Variants in FBRSL1 observed in about 807,000 individuals in gnomAD.
FBRSL1 encodes fibrosin-1-like protein.
FBRSL1 carries 51 observed loss-of-function variants against 89.6 expected under a neutral mutation model. That is an observed-to-expected ratio of 0.57 (90% CI 0.45 to 0.72). The LOEUF (loss-of-function observed/expected upper bound fraction) is 0.72, where lower values mean the gene tolerates loss of function less well. Among genes scored for constraint, FBRSL1 ranks in the 30% least tolerant of loss-of-function variants. The pLI is 0.00. For synonymous variants in FBRSL1, 779 were observed against 681.1 expected, an observed-to-expected ratio of 1.14 and a Z score of -2.24; for missense variants, 1,618 against 1,451.8, an observed-to-expected ratio of 1.11 and a Z score of -1.86.
Position 132,583,154 on chromosome 12 carries a change from G to C in FBRSL1, c.2385G>C (p.Lys795Asn). The C allele has an allele frequency of 6.1e-6, 9 of 1,464,064 alleles. No homozygotes were observed. The highest frequency in any genetic ancestry group is 8.1e-6 in the Non-Finnish European group (9 of 1,112,230). The allele number at this position is 1,464,064 out of a possible 1,614,324, so 90.7% of individuals were successfully genotyped here. The change falls in exon 19 of 19, where the codon AAG becomes AAC. Residue 795 changes from lysine to asparagine, a missense_variant. Transcript: ENST00000680143. The part of the protein sequence containing the change: ...SRSPAKEEAA[K>N]MPARASPPHS... ...CCCCGGCCAAGGAGGAGGCCGCCAAGATGCCCGCGCGCGCATCCCCGCCCC... is the reference window on the plus strand; with the variant it reads ...CCCCGGCCAAGGAGGAGGCCGCCAACATGCCCGCGCGCGCATCCCCGCCCC...
At chr12:132,511,947 A>G (rs1219837013) in intron 2 of FBRSL1, 2 of 984,708 alleles carry the variant, frequency 2.0e-6, no homozygotes, top group African/African-American at 3.5e-5. Context: ...ACTATTTTTT[A>G]TAACAGCATC....
intron 1 of FBRSL1, among the ~76,000 whole-genome samples, chr12:132,495,524 G>A (rs970739955): frequency 1.5e-4 from 23 of 152,324 alleles, no homozygotes; most frequent in African/African-American, 3.6e-4. Flanking sequence ...GGCAGGCTTC[G>A]GCCCAGGAAC....
chr12:132,568,255 C>T lies in FBRSL1; in HGVS notation c.691+729C>T, dbSNP rs543883297. ...CTCGGCTCCTGCCTCCCTGGGTTTC[C>T]AGCTGGAACCACCCTTTTGCTGGGA... On this transcript the variant is annotated intron_variant, in intron 6 of 18. Coordinates refer to ENST00000680143, the MANE Select transcript of FBRSL1 (RefSeq NM_001367871.1). 8.9e-5 allele frequency among the ~76,000 whole-genome samples: 13 copies of T among 146,642 alleles called. No homozygotes were observed. In the East Asian group the frequency reaches 2.4e-3, roughly 27 times the overall value.
intron 5 of FBRSL1, among the ~76,000 whole-genome samples, chr12:132,562,923 GT>G (rs1234195523): frequency 6.6e-6 from 1 of 152,090 alleles, no homozygotes; most frequent in African/African-American, 2.4e-5. Flanking sequence ...TTTGCGATCT[GT>G]CTGGAATTAT....
At position 132,570,497 on chromosome 12, in the gene FBRSL1, GGCGCTGC is replaced by G; in HGVS notation, c.1171_1177del (p.Ala391ArgfsTer34). On this transcript the variant is annotated frameshift_variant, in exon 8 of 19. Transcript: ENST00000680143. LOFTEE classifies it high-confidence loss of function. ...CACCCCCGACACTGCCCCCGCCCCCGGCGCTGCCGGCCAGCAGCCTGGTCCTCCCAGG... is the reference window on the plus strand; with the variant it reads ...CACCCCCGACACTGCCCCCGCCCCCGCGGCCAGCAGCCTGGTCCTCCCAGG... The G allele has an allele frequency of 6.5e-7, 1 of 1,527,316 alleles. No homozygotes were observed. The highest frequency in any genetic ancestry group is 8.8e-7 in the Non-Finnish European group (1 of 1,142,692). 94.6% of individuals were successfully genotyped at this position (1,527,316 alleles called of 1,614,324 possible). A position where few individuals can be genotyped will look rare whatever the true frequency, so the allele number is the denominator to read the frequency against.
intron 15 of FBRSL1, chr12:132,580,836 C>T: frequency 1.0e-6 from 1 of 985,466 alleles, no homozygotes; most frequent in East Asian, 1.1e-4. Context: ...GGCCCCTGAC[C>T]AACAGCACTG....
intron 4 of FBRSL1, among the ~76,000 whole-genome samples, chr12:132,530,485 G>A (rs2036166544): frequency 6.6e-6 from 1 of 151,962 alleles, no homozygotes; most frequent in Non-Finnish European, 1.5e-5. Flanking sequence ...CTGGTGAGGT[G>A]TGCACGTGGC....
At chr12:132,528,009 C>T (rs1170119421) in intron 4 of FBRSL1, 21 bp downstream of exon 4, 6 of 1,550,832 alleles carry the variant, frequency 3.9e-6, no homozygotes, top group South Asian at 3.6e-5. Flanking sequence ...CAGCACCCCT[C>T]CTCCATCTTT....
At chr12:132,565,916 G>C (rs1036908837) in intron 5 of FBRSL1, 3 of 152,266 alleles carry the variant, frequency 2.0e-5, no homozygotes, top group African/African-American at 7.2e-5. Flanking sequence ...AGGGTTGGGG[G>C]TGACGGTTAG....
chr12:132,549,446 T>G (rs2037969119), intron 5 of FBRSL1, among the ~76,000 whole-genome samples: 1 of 151,994 alleles, frequency 6.6e-6, no homozygotes, highest in Non-Finnish European at 1.5e-5. Flanking sequence ...TTCAGATGAG[T>G]AACCTTGTCC....
chr12:132,572,925 C>G (rs1174600527), intron 11 of FBRSL1, among the ~76,000 whole-genome samples: 1 of 152,202 alleles, frequency 6.6e-6, no homozygotes, highest in Non-Finnish European at 1.5e-5. Flanking sequence ...GGCAGGAGGC[C>G]CTGGTGTGGA....
intron 3 of FBRSL1, among the ~76,000 whole-genome samples, chr12:132,527,720 T>TGCGGGGCTGTGGGGCAGGGTTGA (rs2035913117): frequency 1.7e-5 from 2 of 119,534 alleles, no homozygotes; most frequent in African/African-American, 3.0e-5. Flanking sequence ...GGCAGGGTTG[T>TGCGGGGCTGTGGGGCAGGGTTGA]GGGCTGCGGG....
chr12:132,563,554 G>GCCTGTCCGTCTGTCCA (rs1566209144), intron 5 of FBRSL1, among the ~76,000 whole-genome samples: 7 of 151,890 alleles, frequency 4.6e-5, no homozygotes, highest in African/African-American at 1.5e-4. Flanking sequence ...CCGTCTGTCC[G>GCCTGTCCGTCTGTCCA]TTTGCCTGTC....
chr12:132,560,776 G>T (rs1197042559), intron 5 of FBRSL1, among the ~76,000 whole-genome samples: 2 of 152,254 alleles, frequency 1.3e-5, no homozygotes, highest in Admixed American at 6.5e-5. Context: ...TGCGGACCCG[G>T]AGTCCTCCCA....
In FBRSL1 at chr12:132,508,226, C is replaced by G; in HGVS notation, c.365C>G (p.Ser122Trp). Reference protein sequence around the residue: ...ERRLIKKPRESETCPPAEPSE... With the variant: ...ERRLIKKPREWETCPPAEPSE... The stretch of plus-strand genomic sequence containing the variant: ...CGTCTCATCAAGAAGCCCCGGGAGT[C>G]GGAAACCTGCCCCCCTGCGGAGCCC... Residue 122 changes from serine (S) to tryptophan (W), a missense_variant, in exon 2 of 19, where the codon TCG (serine) becomes TGG (tryptophan). Ser to Trp is a radical substitution (Grantham distance 177). Transcript: ENST00000680143. 1 of 1,551,114 alleles carries G rather than the reference C, an allele frequency of 6.4e-7. No individual in the cohort carries two copies. Among genetic ancestry groups the G allele is most frequent in the South Asian group, 1.2e-5 (1 of 84,066 alleles).
At chr12:132,496,330 T>G (rs2032024941) in intron 1 of FBRSL1, among the ~76,000 whole-genome samples, 2 of 152,218 alleles carry the variant, frequency 1.3e-5, no homozygotes, top group South Asian at 4.1e-4. Flanking sequence ...GAAAGAGAAG[T>G]GCCCAGAACT....
intron 18 of FBRSL1, among the ~76,000 whole-genome samples, chr12:132,582,534 C>A (rs1357132402): frequency 6.6e-6 from 1 of 151,718 alleles, no homozygotes; most frequent in Non-Finnish European, 1.5e-5. Flanking sequence ...GCGACTCCTC[C>A]CTGCGGTGGG....
intron 5 of FBRSL1, chr12:132,566,062 T>G (rs953960115): frequency 3.9e-5 from 6 of 152,180 alleles, no homozygotes; most frequent in African/African-American, 1.4e-4. Flanking sequence ...GATTTACATC[T>G]CAAGTCTTAG....
At chr12:132,572,400 G>C in intron 10 of FBRSL1, 56 bp downstream of exon 10, 4 of 1,537,438 alleles carry the variant, frequency 2.6e-6, no homozygotes, top group Non-Finnish European at 3.5e-6. Flanking sequence ...TCCTGGCCAC[G>C]GGGCGGTGGG....
Sources: allele counts gnomAD v4.1 joint callset (sites outside exome capture counted in the v4.1 genomes callset), GRCh38; gene constraint gnomAD v4.1.1; transcripts MANE v1.5; gene names NCBI Gene and HGNC (gene_info 2026-07-23, HGNC 2026-07-21).